The following DOCK4 variants were observed in gnomAD, a reference collection of about 807,000 sequenced individuals.
The protein encoded by DOCK4 is dedicator of cytokinesis protein 4.
DOCK4 carries 97 observed loss-of-function variants against 268.1 expected under a neutral mutation model. The ratio of observed to expected loss-of-function variants is 0.36; its 90% CI spans 0.31 to 0.43. The LOEUF (loss-of-function observed/expected upper bound fraction) is 0.43, where lower values mean the gene tolerates loss of function less well. DOCK4 is among the 20% of genes least tolerant of loss of function. The pLI is 1.00. For synonymous variants in DOCK4, 954 were observed against 887.2 expected, an observed-to-expected ratio of 1.08 and a Z score of -1.34; for missense variants, 2,145 against 2,455.7, an observed-to-expected ratio of 0.87 and a Z score of 2.67.
intron 35 of DOCK4, among the ~76,000 whole-genome samples, chr7:111,780,465 C>T (rs1290536184): frequency 6.6e-6 from 1 of 152,076 alleles, no homozygotes; most frequent in East Asian, 1.9e-4. Flanking sequence ...GGATGATTTG[C>T]TCTAATAGCT....
chr7:111,760,738 TTG>T (rs3997406), intron 39 of DOCK4, among the ~76,000 whole-genome samples: 7,636 of 136,858 alleles, frequency 0.056, 181 homozygotes, highest in Middle Eastern at 0.069. Flanking sequence ...TGTCTGCTTT[TTG>T]TGTGTGTGTG....
intron 23 of DOCK4, among the ~76,000 whole-genome samples, 170 bp from the exon 24 acceptor site, chr7:111,847,296 T>C (rs1282304564): frequency 2.0e-5 from 3 of 152,242 alleles, no homozygotes; most frequent in Non-Finnish European, 4.4e-5. Context: ...TTCCTTTCCC[T>C]AATGCACAAT....
Position 111,905,414 on chromosome 7 carries a change from T to C in DOCK4, c.1193-3613A>G, listed in dbSNP as rs555909594. On this transcript the variant is annotated intron_variant, in intron 13 of 52. Coordinates refer to ENST00000428084, the MANE Select transcript of DOCK4 (RefSeq NM_001363540.2). ...GCTGGCTAGGGAGCCTTTACACATA[T>C]GAAGGCCTTTCAAAATACTACTGTA... Among the ~76,000 whole-genome samples the C allele has an allele frequency of 6.6e-5, 10 of 152,306 alleles. No individual in the cohort carries two copies. The East Asian group carries it at 1.7e-3, about 26-fold the overall frequency.
intron 1 of DOCK4, among the ~76,000 whole-genome samples, chr7:112,053,558 C>A (rs970568868): frequency 1.3e-5 from 2 of 152,192 alleles, no homozygotes; most frequent in Admixed American, 6.6e-5. Flanking sequence ...AGCTTAATTA[C>A]AAAGTGTTGC....
chr7:111,849,524 A>T (rs561889418), intron 23 of DOCK4, among the ~76,000 whole-genome samples: 2 of 152,208 alleles, frequency 1.3e-5, no homozygotes, highest in East Asian at 3.9e-4. Context: ...CGGCCTCCCA[A>T]AGTGCTGGGA....
At chr7:112,153,037 A>G (rs546707566) in intron 1 of DOCK4, among the ~76,000 whole-genome samples, 38 of 152,292 alleles carry the variant, frequency 2.5e-4, no homozygotes, top group African/African-American at 7.9e-4. Flanking sequence ...ATTAAAGCCT[A>G]AAAAGTTTGG....
chr7:112,016,695 T>G (rs554393256), intron 1 of DOCK4, among the ~76,000 whole-genome samples: 1 of 152,304 alleles, frequency 6.6e-6, no homozygotes, highest in South Asian at 2.1e-4. Context: ...TACAATATAC[T>G]TAGTTTAGTC....
Position 112,155,175 on chromosome 7 carries a change from C to T in DOCK4, c.37+50927G>A, listed in dbSNP as rs562426495. 2.8e-3 allele frequency among the ~76,000 whole-genome samples: 419 copies of T among 152,106 alleles called. 3 individuals carry two copies. The highest frequency in any genetic ancestry group is 9.7e-3 in the African/African-American group (401 of 41,514). The stretch of plus-strand genomic sequence containing the variant: ...TTTCTTTTATGTGACACTGTTTAAC[C>T]GTCAAAATGACCTGTTTTCCCCAAC... On this transcript the variant is annotated intron_variant, in intron 1 of 52. Coordinates refer to ENST00000428084, the MANE Select transcript of DOCK4 (RefSeq NM_001363540.2).
At chr7:112,084,139 G>A (rs1240238637) in intron 1 of DOCK4, among the ~76,000 whole-genome samples, 1 of 152,180 alleles carries the variant, frequency 6.6e-6, no homozygotes, top group African/African-American at 2.4e-5. Context: ...GCATGAAGTA[G>A]AGTCATGCCG....
chr7:112,067,221 GA>G (rs747904535), intron 1 of DOCK4, among the ~76,000 whole-genome samples: 52 of 104,072 alleles, frequency 5.0e-4, no homozygotes, highest in East Asian at 4.3e-3. Context: ...TTTATAATCA[GA>G]AAAAAAAAAC....
chr7:112,183,752 C>T (rs149907857), intron 1 of DOCK4, among the ~76,000 whole-genome samples: 90 of 152,198 alleles, frequency 5.9e-4, no homozygotes, highest in Non-Finnish European at 9.0e-4. Flanking sequence ...TGGAGTGAGG[C>T]GATGTGTCAG....
chr7:111,962,894 A>G (rs1188380043), intron 8 of DOCK4, among the ~76,000 whole-genome samples: 2 of 152,194 alleles, frequency 1.3e-5, no homozygotes, highest in African/African-American at 4.8e-5. Context: ...TCATCGGGAT[A>G]ACACTTTTTC....
At position 111,940,099 on chromosome 7, in the gene DOCK4, A is replaced by G. The variant is rs752530084; in HGVS notation, c.977+11T>C. On this transcript the variant is annotated intron_variant, in intron 11 of 52. Transcript: ENST00000428084. ...GCCTACCCCAGCCATCACCACGTGC[A>G]TGTTTCTTACATGTATACTTTCAGA... 3 of 1,613,914 alleles carry G rather than the reference A, an allele frequency of 1.9e-6. No individual in the cohort carries two copies. The East Asian group carries it at 6.7e-5, about 36-fold the overall frequency.
At chr7:111,913,226 G>A (rs939563563) in intron 13 of DOCK4, among the ~76,000 whole-genome samples, 2 of 151,872 alleles carry the variant, frequency 1.3e-5, no homozygotes, top group African/African-American at 4.8e-5. Context: ...CAGCCTCAGT[G>A]CTGGGATTAC....
intron 43 of DOCK4, among the ~76,000 whole-genome samples, chr7:111,747,027 C>G (rs1478206275): frequency 6.6e-6 from 1 of 152,000 alleles, no homozygotes; most frequent in East Asian, 1.9e-4. Flanking sequence ...TACTTTTATT[C>G]ATGCAAGAAT....
chr7:112,083,367 T>C (rs945976857), intron 1 of DOCK4, among the ~76,000 whole-genome samples: 1 of 152,012 alleles, frequency 6.6e-6, no homozygotes, highest in Non-Finnish European at 1.5e-5. Context: ...TGTGAGTTGG[T>C]TATAGATATA....
intron 4 of DOCK4, among the ~76,000 whole-genome samples, chr7:111,996,263 G>A (rs927415908): frequency 2.2e-4 from 34 of 152,146 alleles, no homozygotes; most frequent in Non-Finnish European, 4.6e-4. Context: ...AAGTTGATTG[G>A]GGGTTGTCCA....
At chr7:112,023,893 A>G (rs1037409722) in intron 1 of DOCK4, among the ~76,000 whole-genome samples, 3 of 152,222 alleles carry the variant, frequency 2.0e-5, no homozygotes, top group African/African-American at 7.2e-5. Flanking sequence ...AAATAAAATA[A>G]AACTTTGATA....
Position 112,027,902 on chromosome 7 carries a change from G to A in DOCK4, c.38-23771C>T, listed in dbSNP as rs565205422. ...TCACAGTCTTTTTTCCGAACTCACA[G>A]TCTAGTGAAGGAGAGAGCCATGAAA... On this transcript the variant is annotated intron_variant, in intron 1 of 52. Transcript: ENST00000428084. 7.2e-5 allele frequency among the ~76,000 whole-genome samples: 11 copies of A among 152,294 alleles called. 1 individual carries two copies. The highest frequency in any genetic ancestry group is 2.6e-4 in the African/African-American group (11 of 41,560).
Sources: allele counts gnomAD v4.1 joint callset (sites outside exome capture counted in the v4.1 genomes callset), GRCh38; gene constraint gnomAD v4.1.1; transcripts MANE v1.5; gene names NCBI Gene and HGNC (gene_info 2026-07-23, HGNC 2026-07-21).